The following CSMD1 variants were observed in gnomAD, a reference collection of about 807,000 sequenced individuals.
The protein encoded by CSMD1 is CUB and Sushi multiple domains 1, also known as CUB and sushi domain-containing protein 1.
In CSMD1, 213 loss-of-function variants were observed where a neutral mutation model predicts 417.5. That is an observed-to-expected ratio of 0.51 (90% CI 0.46 to 0.57). The LOEUF (loss-of-function observed/expected upper bound fraction) is 0.57. Ranked by LOEUF, CSMD1 falls within the 20% of genes least tolerant of loss-of-function variation. CSMD1 has a pLI of 0.00. For missense variants in CSMD1, 6,923 were observed against 4,529.7 expected (o/e 1.53, Z -15.17); for synonymous variants, 2,862 against 1,736.8 (o/e 1.65, Z -16.11).
rs550171161 is a variant in CSMD1, at chr8:4,648,478, C to T, written c.86-10920G>A. 1.5e-3 allele frequency among the ~76,000 whole-genome samples: 229 copies of T among 152,280 alleles called. 2 individuals are homozygous for T. In the South Asian group the frequency reaches 0.021, roughly 14 times the overall value. ...AGATCTTCCTCACACACACACCATG[C>T]ATGCATGCACACAAACACACACACA... is the stretch of plus-strand genomic sequence containing the variant. On this transcript the variant is annotated intron_variant, in intron 1 of 69. Coordinates refer to ENST00000635120, the MANE Select transcript of CSMD1 (RefSeq NM_033225.6).
intron 5 of CSMD1, among the ~76,000 whole-genome samples, chr8:3,831,451 G>T (rs906765585): frequency 1.3e-5 from 2 of 152,120 alleles, no homozygotes; most frequent in African/African-American, 2.4e-5. Flanking sequence ...GAAACATCCA[G>T]GAGATTCCTT....
At chr8:3,991,976 CA>C (rs5889007) in intron 5 of CSMD1, among the ~76,000 whole-genome samples, 8,128 of 150,734 alleles carry the variant, frequency 0.054, 407 homozygotes, top group East Asian at 0.22. Context: ...TGTTTTTTTA[CA>C]AAAAAAATAC....
chr8:3,048,053 A>C (rs1440509736), intron 50 of CSMD1, among the ~76,000 whole-genome samples: 1 of 152,220 alleles, frequency 6.6e-6, no homozygotes, highest in Non-Finnish European at 1.5e-5. Context: ...GTAACACATC[A>C]TTGCTTACAA....
At chr8:4,545,277 G>C (rs866588998) in intron 2 of CSMD1, among the ~76,000 whole-genome samples, 5 of 152,182 alleles carry the variant, frequency 3.3e-5, no homozygotes, top group Admixed American at 6.5e-5. Flanking sequence ...CTCAATGAAA[G>C]ATGAAATACT....
intron 3 of CSMD1, among the ~76,000 whole-genome samples, chr8:4,262,786 G>A (rs1328223536): frequency 6.6e-6 from 1 of 152,170 alleles, no homozygotes; most frequent in Non-Finnish European, 1.5e-5. Flanking sequence ...GAGGAAGGAA[G>A]TATGTTCCAC....
chr8:4,362,523 G>A (rs1052363755), intron 3 of CSMD1, among the ~76,000 whole-genome samples: 5 of 152,180 alleles, frequency 3.3e-5, no homozygotes, highest in East Asian at 1.9e-4. Flanking sequence ...TTGTGCAATA[G>A]ATAGAACAGG....
chr8:4,079,863 T>C (rs915948628), intron 3 of CSMD1, among the ~76,000 whole-genome samples: 10 of 152,202 alleles, frequency 6.6e-5, no homozygotes, highest in African/African-American at 2.2e-4. Context: ...TAATGACCCT[T>C]TGAATACCAT....
At chr8:3,927,643 C>T (rs926924228) in intron 5 of CSMD1, among the ~76,000 whole-genome samples, 4 of 151,576 alleles carry the variant, frequency 2.6e-5, no homozygotes, top group South Asian at 2.1e-4. Context: ...CCACACTCGG[C>T]GAAAGAGTGA....
At chr8:4,600,724 G>C (rs1456225132) in intron 2 of CSMD1, among the ~76,000 whole-genome samples, 1 of 152,168 alleles carries the variant, frequency 6.6e-6, no homozygotes, top group African/African-American at 2.4e-5. Flanking sequence ...CAGAAAGACA[G>C]AGGGTGTAAA....
chr8:4,954,434 A>G (rs1808953095), intron 1 of CSMD1, among the ~76,000 whole-genome samples: 2 of 152,290 alleles, frequency 1.3e-5, no homozygotes, highest in African/African-American at 4.8e-5. Context: ...GCTGTGCACA[A>G]TTGTATAGCT....
chr8:3,780,995 T>C (rs1204413989), intron 5 of CSMD1, among the ~76,000 whole-genome samples: 1 of 152,210 alleles, frequency 6.6e-6, no homozygotes, highest in Non-Finnish European at 1.5e-5. Flanking sequence ...TGTGACATTT[T>C]GTGTGACTCC....
chr8:3,038,430 G>A (rs1156319249), intron 50 of CSMD1, among the ~76,000 whole-genome samples: 1 of 152,190 alleles, frequency 6.6e-6, no homozygotes, highest in South Asian at 2.1e-4. Flanking sequence ...TCCATTCTTT[G>A]ACTTGTTGGG....
intron 2 of CSMD1, among the ~76,000 whole-genome samples, chr8:4,437,415 A>G (rs186620355): frequency 1.3e-5 from 2 of 152,300 alleles, no homozygotes; most frequent in Admixed American, 6.5e-5. Flanking sequence ...AGTGAGCCAC[A>G]TTTTCTAGTC....
chr8:3,863,359 G>A (rs181505011), intron 5 of CSMD1, among the ~76,000 whole-genome samples: 13 of 145,144 alleles, frequency 9.0e-5, no homozygotes, highest in Admixed American at 5.7e-4. Context: ...TCGTGCCACT[G>A]CACTCTAGCC....
intron 12 of CSMD1, among the ~76,000 whole-genome samples, chr8:3,419,413 T>G (rs980775109): frequency 1.3e-5 from 2 of 152,176 alleles, no homozygotes; most frequent in African/African-American, 4.8e-5. Flanking sequence ...GAATAAAAAT[T>G]TACTATTCTA....
intron 3 of CSMD1, among the ~76,000 whole-genome samples, chr8:4,046,869 C>G (rs543818062): frequency 6.6e-6 from 1 of 152,086 alleles, no homozygotes; most frequent in Non-Finnish European, 1.5e-5. Context: ...CCAGGAGCCC[C>G]ACAGAGAATG....
At chr8:3,481,421 G>T (rs144769600) in intron 11 of CSMD1, among the ~76,000 whole-genome samples, 8 of 152,116 alleles carry the variant, frequency 5.3e-5, no homozygotes, top group African/African-American at 1.9e-4. Context: ...AAAAGTTGAA[G>T]GGGTAAAGGG....
intron 5 of CSMD1, among the ~76,000 whole-genome samples, chr8:3,760,325 C>T (rs1797922363): frequency 6.6e-6 from 1 of 152,162 alleles, no homozygotes; most frequent in South Asian, 2.1e-4. Flanking sequence ...AAATTCATTT[C>T]CTTCAGAGGA....
At chr8:3,173,639 G>C (rs1165129573) in intron 37 of CSMD1, among the ~76,000 whole-genome samples, 1 of 152,162 alleles carries the variant, frequency 6.6e-6, no homozygotes, top group Non-Finnish European at 1.5e-5. Flanking sequence ...TGGTTTATAT[G>C]GTCCTTCCTC....
Sources: gnomAD v4.1 joint callset for allele counts (sites outside exome capture counted in the v4.1 genomes callset) on GRCh38, gnomAD v4.1.1 for gene constraint, MANE v1.5 for transcripts, NCBI Gene and HGNC (gene_info 2026-07-23, HGNC 2026-07-21) for gene names.